SIRPB2: variants seen among roughly 807,000 people sequenced by gnomAD.
The protein encoded by SIRPB2 is signal regulatory protein beta 2, also known as signal-regulatory protein beta-2.
A neutral mutation model predicts 27.1 loss-of-function variants in SIRPB2; 18 were observed. The ratio of observed to expected loss-of-function variants is 0.66; its 90% confidence interval spans 0.46 to 0.98. The LOEUF (loss-of-function observed/expected upper bound fraction) is 0.98, where lower values mean the gene tolerates loss of function less well. Ranked by LOEUF, SIRPB2 falls within the 50% of genes least tolerant of loss-of-function variation. The probability of loss-of-function intolerance (pLI) is 0.00; values close to 1 mark genes in which losing one functional copy is unlikely to be tolerated. For missense variants in SIRPB2, 420 were observed against 417.4 expected, an observed-to-expected ratio of 1.01 and a Z score of -0.06; for synonymous variants, 150 against 164.6, an observed-to-expected ratio of 0.91 and a Z score of 0.68.
At chr20:1,489,826 T>A (rs998105861) in intron 1 of SIRPB2, among the ~76,000 whole-genome samples, 3 of 152,216 alleles carry the variant, frequency 2.0e-5, no homozygotes, top group Non-Finnish European at 4.4e-5. Flanking sequence ...GGCTCAATCC[T>A]GGGCCAGCTA....
intron 1 of SIRPB2, among the ~76,000 whole-genome samples, chr20:1,486,333 A>G (rs1400905008): frequency 1.3e-5 from 2 of 151,996 alleles, no homozygotes; most frequent in African/African-American, 2.4e-5. Flanking sequence ...TCAGCCTCCA[A>G]AACTGCTGGG....
downstream of SIRPB2, among the ~76,000 whole-genome samples, chr20:1,474,429 G>A (rs903468426): frequency 6.6e-6 from 1 of 152,146 alleles, no homozygotes; most frequent in African/African-American, 2.4e-5. Context: ...TTGTGGTAAT[G>A]AAAAACATCT....
chr20:1,473,179 C>A (rs1476849444), downstream of SIRPB2: 3 of 152,446 alleles, frequency 2.0e-5, no homozygotes, highest in African/African-American at 7.2e-5. Context: ...AGAGAGCAGA[C>A]TTCTGTTTCT....
downstream of SIRPB2, among the ~76,000 whole-genome samples, chr20:1,471,777 A>C (rs1172664693): frequency 6.6e-6 from 1 of 152,144 alleles, no homozygotes; most frequent in African/African-American, 2.4e-5. Flanking sequence ...CCCCTGTCAA[A>C]TGGTGTTTGC....
chr20:1,479,309 CTT>C, intron 2 of SIRPB2: 1 of 253,404 alleles, frequency 3.9e-6, no homozygotes, highest in Admixed American at 5.0e-5. Context: ...CATCCACACT[CTT>C]ACCTTTGGTG....
chr20:1,485,642 ACACACACACAC>A (rs1175882284), intron 1 of SIRPB2, among the ~76,000 whole-genome samples: 1 of 141,346 alleles, frequency 7.1e-6, no homozygotes, highest in African/African-American at 2.8e-5. Context: ...ACACACACAC[ACACACACACAC>A]CACACACACA....
At position 1,476,238 on chromosome 20, in the gene SIRPB2, G is replaced by A. The variant is rs777213745; in HGVS notation, c.958C>T (p.Gln320Ter). The A allele has an allele frequency of 1.9e-6, 3 of 1,614,052 alleles. No individual in the cohort carries two copies. In the Admixed American group the frequency reaches 5.0e-5, roughly 27 times the overall value. Residue 320 changes from glutamine to a stop codon, truncating the protein, a stop_gained, in exon 5 of 5, where the codon CAA becomes TAA. Coordinates refer to ENST00000359801, the MANE Select transcript of SIRPB2 (RefSeq NM_001122962.2). LOFTEE classifies it low-confidence loss of function (END_TRUNC). ...ALATSRRSPG[Q>*]EDVKTTGPAG... is the part of the protein sequence containing the mutation. ...GGGCCTGTGGTCTTGACATCTTCTT[G>A]CCCAGGGCTCCTCCGAGAGGTAGCC...
At chr20:1,490,624 A>G (rs1468076778) in intron 1 of SIRPB2, among the ~76,000 whole-genome samples, 1 of 152,218 alleles carries the variant, frequency 6.6e-6, no homozygotes, top group Admixed American at 6.5e-5. Context: ...TTCTCCTAAG[A>G]AAGTCCCAAG....
At chr20:1,476,800 G>T in intron 4 of SIRPB2, 1 of 1,052,508 alleles carries the variant, frequency 9.5e-7, no homozygotes, top group Non-Finnish European at 1.1e-6. Context: ...GCTCCCACCA[G>T]ATACTGAGAG....
chr20:1,478,988 A>C, intron 2 of SIRPB2: 1 of 196,880 alleles, frequency 5.1e-6, no homozygotes. Flanking sequence ...ATCAAGTTAA[A>C]ATGAACTCCC....
Position 1,476,238 on chromosome 20 carries a change from G to T in SIRPB2, c.958C>A (p.Gln320Lys). Residue 320 changes from glutamine to lysine, a missense_variant, in exon 5 of 5, where the codon CAA becomes AAA. Coordinates refer to ENST00000359801, the MANE Select transcript of SIRPB2 (RefSeq NM_001122962.2). Reference protein sequence around the residue: ...ALATSRRSPGQEDVKTTGPAG... With the variant: ...ALATSRRSPGKEDVKTTGPAG... The stretch of plus-strand genomic sequence containing the variant: ...GGGCCTGTGGTCTTGACATCTTCTT[G>T]CCCAGGGCTCCTCCGAGAGGTAGCC... 6.2e-7 allele frequency: 1 copy of T among 1,614,052 alleles called. No homozygotes were observed. The highest frequency in any genetic ancestry group is 8.5e-7 in the Non-Finnish European group (1 of 1,179,998).
intron 1 of SIRPB2, chr20:1,480,327 A>C: frequency 2.4e-6 from 1 of 424,218 alleles, no homozygotes; most frequent in Non-Finnish European, 4.2e-6. Context: ...GATGTCACTT[A>C]TTCTTCACAA....
intron 1 of SIRPB2, among the ~76,000 whole-genome samples, chr20:1,490,235 G>T (rs6042574): frequency 0.15 from 23,073 of 152,154 alleles, 3,412 homozygotes; most frequent in African/African-American, 0.38. Context: ...AATTGAAGTG[G>T]TGTCTTGAGT....
Position 1,476,229 on chromosome 20 carries a change from C to T in SIRPB2, c.967G>A (p.Val323Ile). 4 of 1,614,100 alleles carry T rather than the reference C, an allele frequency of 2.5e-6. No individual in the cohort carries two copies. The highest frequency in any genetic ancestry group is 2.2e-5 in the East Asian group (1 of 44,864). The change falls in exon 5 of 5, where the codon GTC becomes ATC. Residue 323 changes from valine (V) to isoleucine (I), a missense_variant. By Grantham distance (29) the Val-to-Ile change is conservative. Transcript: ENST00000359801. The part of the protein sequence containing the change: ...TSRRSPGQED[V>I]KTTGPAGAMN... ...GCTCCTGCTGGGCCTGTGGTCTTGA[C>T]ATCTTCTTGCCCAGGGCTCCTCCGA...
chr20:1,483,423 T>A (rs1410961583), intron 1 of SIRPB2, among the ~76,000 whole-genome samples: 1 of 152,190 alleles, frequency 6.6e-6, no homozygotes, highest in African/African-American at 2.4e-5. Context: ...TGGGTCTTTT[T>A]AACAATAGCC....
chr20:1,488,425 G>T (rs1053452692), intron 1 of SIRPB2, among the ~76,000 whole-genome samples: 6 of 152,140 alleles, frequency 3.9e-5, no homozygotes, highest in African/African-American at 1.2e-4. Flanking sequence ...TTCAAGACCA[G>T]CCTGGGCAAT....
Position 1,478,407 on chromosome 20 carries a change from C to G in SIRPB2, c.652G>C (p.Val218Leu), listed in dbSNP as rs766564504. ...CTGAAGTCATTGTTGGAGGCCTGCA[C>G]CGCTGTCTCCTTGGGGTGGGAGATG... The part of the protein sequence containing the change: ...GGISHPKETA[V>L]QASNNDFSIL... Residue 218 changes from valine to leucine, a missense_variant, in exon 3 of 5, where the codon GTG becomes CTG. Coordinates refer to ENST00000359801, the MANE Select transcript of SIRPB2 (RefSeq NM_001122962.2). 8 of 1,614,196 alleles carry G rather than the reference C, an allele frequency of 5.0e-6. No homozygotes were observed. The highest frequency in any genetic ancestry group is 5.9e-6 in the Non-Finnish European group (7 of 1,180,034).
At chr20:1,487,615 T>G (rs527428278) in intron 1 of SIRPB2, among the ~76,000 whole-genome samples, 2 of 152,146 alleles carry the variant, frequency 1.3e-5, no homozygotes, top group Non-Finnish European at 2.9e-5. Context: ...AGTCTAGAAA[T>G]AGTCCATGCA....
downstream of SIRPB2, chr20:1,473,774 AG>A: frequency 6.6e-6 from 3 of 455,010 alleles, no homozygotes; most frequent in Non-Finnish European, 8.8e-6. Context: ...GGGGCTTGCA[AG>A]GGCAGGTGGG....
Sources: allele counts gnomAD v4.1 joint callset (sites outside exome capture counted in the v4.1 genomes callset), GRCh38; gene constraint gnomAD v4.1.1; transcripts MANE v1.5; gene names NCBI Gene and HGNC (gene_info 2026-07-23, HGNC 2026-07-21).